Variants in MAGI2 observed in about 807,000 individuals in gnomAD.
The protein encoded by MAGI2 is membrane associated guanylate kinase, WW and PDZ domain containing 2.
In MAGI2, 35 loss-of-function variants were observed where a neutral mutation model predicts 133.3. That is an observed-to-expected ratio of 0.26 (90% confidence interval 0.20 to 0.35). MAGI2 has a LOEUF of 0.35. Ranked by LOEUF, MAGI2 falls within the 10% of genes least tolerant of loss-of-function variation. The pLI is 1.00. For missense variants in MAGI2, 1,636 were observed against 1,863.4 expected (o/e 0.88, Z 2.25); for synonymous variants, 729 against 710.6 (o/e 1.03, Z -0.41).
At chr7:78,085,548 TCCCACACACA>T (rs960567988) in intron 20 of MAGI2, among the ~76,000 whole-genome samples, 9 of 69,170 alleles carry the variant, frequency 1.3e-4, no homozygotes, top group African/African-American at 3.3e-4. Flanking sequence ...ATAATAAAAC[TCCCACACACA>T]CACACACACA....
At chr7:78,111,491 G>A (rs1353759558) in intron 20 of MAGI2, among the ~76,000 whole-genome samples, 1 of 152,184 alleles carries the variant, frequency 6.6e-6, no homozygotes, top group Non-Finnish European at 1.5e-5. Flanking sequence ...ACTAGAAGAA[G>A]AAACAGAGCA....
chr7:78,820,268 AGGT>A (rs1789976969), intron 2 of MAGI2, among the ~76,000 whole-genome samples: 1 of 152,024 alleles, frequency 6.6e-6, no homozygotes, highest in South Asian at 2.1e-4. Context: ...CTGAACTTTT[AGGT>A]GGCAGAAGTA....
chr7:78,425,426 A>T (rs1234395147), intron 6 of MAGI2, among the ~76,000 whole-genome samples: 4 of 152,194 alleles, frequency 2.6e-5, no homozygotes, highest in Non-Finnish European at 5.9e-5. Context: ...GTTCAGTTCA[A>T]ATGGAAAGAT....
chr7:78,311,348 T>C (rs895034590), intron 9 of MAGI2, among the ~76,000 whole-genome samples: 4 of 152,264 alleles, frequency 2.6e-5, no homozygotes, highest in Non-Finnish European at 5.9e-5. Flanking sequence ...TCAAGGAGAA[T>C]TGTGTGGTCC....
At chr7:79,352,353 GA>G (rs1306857913) in intron 1 of MAGI2, among the ~76,000 whole-genome samples, 30 of 152,314 alleles carry the variant, frequency 2.0e-4, no homozygotes, top group African/African-American at 7.0e-4. Context: ...AGACCACTTT[GA>G]AAACATTCTC....
chr7:78,215,950 A>G (rs1563274880), intron 10 of MAGI2, among the ~76,000 whole-genome samples: 1 of 152,182 alleles, frequency 6.6e-6, no homozygotes, highest in African/African-American at 2.4e-5. Context: ...TAGCTTTGTT[A>G]TTTTGGCACA....
chr7:78,862,690 G>C (rs1584196127), intron 2 of MAGI2, among the ~76,000 whole-genome samples: 1 of 152,272 alleles, frequency 6.6e-6, no homozygotes, highest in East Asian at 1.9e-4. Context: ...ACATTGAAGA[G>C]TTAATAATGC....
intron 1 of MAGI2, among the ~76,000 whole-genome samples, chr7:79,322,642 G>A (rs992552830): frequency 9.2e-5 from 14 of 151,714 alleles, no homozygotes; most frequent in African/African-American, 3.1e-4. Context: ...AAAATTAGCC[G>A]GGCCATAGTT....
intron 2 of MAGI2, among the ~76,000 whole-genome samples, chr7:78,682,208 C>T (rs1437615204): frequency 1.3e-5 from 2 of 152,166 alleles, no homozygotes; most frequent in East Asian, 1.9e-4. Flanking sequence ...ATTTTAGGTA[C>T]ATAAACATGA....
Position 78,313,595 on chromosome 7 carries a change from T to C in MAGI2, c.1408+30183A>G, listed in dbSNP as rs932385180. The stretch of plus-strand genomic sequence containing the variant: ...AAAGAAGAAGAGAAAAATATTTTTT[T>C]TGATATATAGAAATAGGTACTTTGC... On this transcript the variant is annotated intron_variant, in intron 9 of 21. Coordinates refer to ENST00000354212, the MANE Select transcript of MAGI2 (RefSeq NM_012301.4). Among the ~76,000 whole-genome samples the C allele has an allele frequency of 4.0e-5, 6 of 151,760 alleles. No homozygotes were observed. The East Asian group carries it at 1.2e-3, about 29-fold the overall frequency.
chr7:78,612,548 A>G (rs1049147795), intron 3 of MAGI2, among the ~76,000 whole-genome samples: 1 of 152,230 alleles, frequency 6.6e-6, no homozygotes, highest in African/African-American at 2.4e-5. Flanking sequence ...ACCCTTATAT[A>G]CTTAGAGACA....
At chr7:79,056,662 T>G (rs905020596) in intron 1 of MAGI2, among the ~76,000 whole-genome samples, 4 of 152,186 alleles carry the variant, frequency 2.6e-5, no homozygotes, top group Admixed American at 2.6e-4. Context: ...GTTTAACATT[T>G]TCAGCTTAAT....
chr7:78,464,282 C>T (rs1330430930), intron 6 of MAGI2, among the ~76,000 whole-genome samples: 1 of 152,130 alleles, frequency 6.6e-6, no homozygotes, highest in Non-Finnish European at 1.5e-5. Flanking sequence ...CTGCGACACT[C>T]CAAGAATTAA....
At chr7:78,777,888 C>G (rs1000402667) in intron 2 of MAGI2, among the ~76,000 whole-genome samples, 2 of 152,006 alleles carry the variant, frequency 1.3e-5, no homozygotes, top group African/African-American at 2.4e-5. Context: ...AAGGACCGCT[C>G]TAGATGATTT....
At chr7:78,489,888 C>T in intron 5 of MAGI2, 48 bp from the exon 6 acceptor site, 1 of 1,289,086 alleles carries the variant, frequency 7.8e-7, no homozygotes, top group South Asian at 1.3e-5. Flanking sequence ...TAAAAGGAAT[C>T]AAGTTTATTC....
intron 6 of MAGI2, 82 bp downstream of exon 6, chr7:78,489,679 T>G (rs1330683594): frequency 3.0e-6 from 3 of 987,668 alleles, no homozygotes; most frequent in Non-Finnish European, 4.8e-6. Context: ...GATTATTGCC[T>G]CTTCAGGTGA....
chr7:78,351,415 G>A (rs75106492), intron 7 of MAGI2, among the ~76,000 whole-genome samples: 3,018 of 152,014 alleles, frequency 0.02, 102 homozygotes, highest in African/African-American at 0.07. Context: ...CAACAGAAAA[G>A]TGTGAATAAG....
chr7:79,147,404 T>C (rs1400712778), intron 1 of MAGI2, among the ~76,000 whole-genome samples: 1 of 152,186 alleles, frequency 6.6e-6, no homozygotes, highest in African/African-American at 2.4e-5. Flanking sequence ...TGGGCCGTAG[T>C]GGATCCTCCT....
intron 6 of MAGI2, among the ~76,000 whole-genome samples, chr7:78,460,641 T>C (rs1789873491): frequency 1.3e-5 from 2 of 152,176 alleles, no homozygotes; most frequent in Non-Finnish European, 2.9e-5. Context: ...TTACTCCTTA[T>C]TTACAAAGGA....
Sources: allele counts gnomAD v4.1 joint callset (sites outside exome capture counted in the v4.1 genomes callset), GRCh38; gene constraint gnomAD v4.1.1; transcripts MANE v1.5; gene names NCBI Gene and HGNC (gene_info 2026-07-23, HGNC 2026-07-21).